Variants in BRD1 observed in about 807,000 individuals in gnomAD.
The protein encoded by BRD1 is bromodomain-containing protein 1.
BRD1 carries 24 observed loss-of-function variants against 107.7 expected under a neutral mutation model. That is an observed-to-expected ratio of 0.22 (90% confidence interval 0.16 to 0.31). The LOEUF is 0.31. Among genes scored for constraint, BRD1 ranks in the 10% least tolerant of loss-of-function variants. The pLI, the probability that BRD1 is intolerant of heterozygous loss-of-function variation, is 1.00. For missense variants in BRD1, 1,279 were observed against 1,638.6 expected (o/e 0.78, Z 3.79); for synonymous variants, 744 against 686.1 (o/e 1.08, Z -1.32).
chr22:49,775,590 C>T lies in BRD1; in HGVS notation c.3386+1G>A. On this transcript the variant is annotated splice_donor_variant, in intron 12 of 12. Transcript: ENST00000404760. LOFTEE classifies it high-confidence loss of function. Reference sequence around the variant, plus strand: ...CCGGAGTCTAAGGCCTCTCAACTCACCAACTTCTCTTATTATCAAAAAAGA... The same window carrying T: ...CCGGAGTCTAAGGCCTCTCAACTCATCAACTTCTCTTATTATCAAAAAAGA... 6.2e-7 allele frequency: 1 copy of T among 1,605,070 alleles called. No individual in the cohort carries two copies. Among genetic ancestry groups the T allele is most frequent in the Non-Finnish European group, 8.5e-7 (1 of 1,175,828 alleles).
chr22:49,796,412 A>G (rs112253646), intron 6 of BRD1, among the ~76,000 whole-genome samples: 147 of 151,106 alleles, frequency 9.7e-4, no homozygotes, highest in African/African-American at 3.4e-3. Context: ...GCTTCAGTGC[A>G]ATGGCACAAT....
Position 49,824,271 on chromosome 22 carries a change from G to A in BRD1, c.47C>T (p.Pro16Leu). ...GTGTTTAACACTGCATGGGGAAGAA[G>A]GATGCCTCGCTGCAGAGCCTCGATG... ...RCHRGSAARH[P>L]SSPCSVKHSP... Residue 16 changes from proline (P) to leucine (L), a missense_variant, in exon 2 of 13, where the codon CCT becomes CTT. Pro to Leu is a moderately conservative substitution (Grantham distance 98). Transcript: ENST00000404760. This position sits in a 1 kb window ranked among gnomAD's most constrained non-coding sequence, Gnocchi z 5.9. The A allele has an allele frequency of 1.2e-6, 2 of 1,613,990 alleles. No individual in the cohort carries two copies. The highest frequency in any genetic ancestry group is 8.5e-7 in the Non-Finnish European group (1 of 1,180,016).
chr22:49,818,264 G>A (rs1375083738), intron 2 of BRD1: 6 of 1,267,244 alleles, frequency 4.7e-6, no homozygotes, highest in Admixed American at 2.4e-5. Flanking sequence ...CCAGGCTCTC[G>A]TAGTAGAGGA....
At chr22:49,797,691 T>C (rs1348770805) in intron 6 of BRD1, 114 bp downstream of exon 6, 3 of 1,061,336 alleles carry the variant, frequency 2.8e-6, no homozygotes, top group African/African-American at 1.6e-5. Context: ...ATGTATGCGG[T>C]TGCATGCTAG....
At chr22:49,827,163 G>A (rs1051127558) in intron 1 of BRD1, among the ~76,000 whole-genome samples, 12 of 151,342 alleles carry the variant, frequency 7.9e-5, no homozygotes, top group African/African-American at 2.9e-4. Flanking sequence ...GCGGACTCCG[G>A]GCAGGCGCCC....
chr22:49,818,166 G>A (rs2059991024), intron 2 of BRD1: 19 of 1,014,594 alleles, frequency 1.9e-5, no homozygotes, highest in Non-Finnish European at 2.2e-5. Flanking sequence ...GGGTGAAGGC[G>A]GGAGGAAAAC....
intron 2 of BRD1, among the ~76,000 whole-genome samples, chr22:49,811,661 C>T (rs1284106120): frequency 6.6e-6 from 1 of 152,232 alleles, no homozygotes; most frequent in Non-Finnish European, 1.5e-5. Flanking sequence ...CTGCTTACTG[C>T]TGGAATTTCC....
intron 2 of BRD1, among the ~76,000 whole-genome samples, chr22:49,813,207 A>G (rs543858340): frequency 1.2e-4 from 19 of 152,282 alleles, no homozygotes; most frequent in African/African-American, 4.6e-4. Context: ...CCTAGGCAAC[A>G]CAGTGAGACG....
At chr22:49,807,832 C>T (rs941881438) in intron 2 of BRD1, among the ~76,000 whole-genome samples, 2 of 152,100 alleles carry the variant, frequency 1.3e-5, no homozygotes, top group Non-Finnish European at 1.5e-5. Flanking sequence ...TTTCAAATCA[C>T]GTATCTGAAA....
intron 2 of BRD1, chr22:49,805,516 A>AGT (rs2059724145): frequency 6.6e-6 from 1 of 152,390 alleles, no homozygotes; most frequent in African/African-American, 2.4e-5. Flanking sequence ...CTCCAAGGAC[A>AGT]GCCAACGGAA....
chr22:49,777,220 G>T, intron 9 of BRD1, 59 bp from the exon 10 acceptor site: 1 of 1,597,186 alleles, frequency 6.3e-7, no homozygotes, highest in Non-Finnish European at 8.5e-7. Context: ...GCCTCACTCG[G>T]GCTTCGTCCC....
chr22:49,798,628 C>A lies in BRD1; in HGVS notation c.1715G>T (p.Arg572Leu). The A allele has an allele frequency of 1.2e-6, 2 of 1,613,878 alleles. No individual in the cohort carries two copies. Among genetic ancestry groups the A allele is most frequent in the Non-Finnish European group, 1.7e-6 (2 of 1,179,918 alleles). ...LRLTPLTVLL[R>L]SVLDQLQDKD... is the part of the protein sequence containing the mutation. ...GTCTTGCAGCTGGTCCAGCACTGAGCGCAGCAGCACCGTCAGCGGGGTCAG... is the reference window on the plus strand; with the variant it reads ...GTCTTGCAGCTGGTCCAGCACTGAGAGCAGCAGCACCGTCAGCGGGGTCAG... The change falls in exon 5 of 13, where the codon CGC (arginine) becomes CTC (leucine). Residue 572 changes from arginine to leucine, a missense_variant. Around this residue, in one of 7 missense-constraint regions of BRD1, gnomAD observed 406 missense variants for 519.4 expected, o/e 0.78. Transcript: ENST00000404760.
At chr22:49,777,587 G>A in intron 9 of BRD1, 91 bp downstream of exon 9, 1 of 1,513,562 alleles carries the variant, frequency 6.6e-7, no homozygotes, top group Non-Finnish European at 8.9e-7. Context: ...CACTAAGATG[G>A]GAGCTGGAAT....
At chr22:49,821,324 T>C (rs1452363627) in intron 2 of BRD1, among the ~76,000 whole-genome samples, 1 of 152,226 alleles carries the variant, frequency 6.6e-6, no homozygotes, top group Non-Finnish European at 1.5e-5. Flanking sequence ...TCAGTAAAGC[T>C]GAAATTTTTA....
chr22:49,809,548 AATATAT>A (rs113075185), intron 2 of BRD1, among the ~76,000 whole-genome samples: 1 of 147,794 alleles, frequency 6.8e-6, no homozygotes, highest in East Asian at 1.9e-4. Context: ...CTCCAAAAAA[AATATAT>A]ATATATATAT....
At chr22:49,775,291 C>T (rs770524278) in intron 12 of BRD1, 15 of 211,570 alleles carry the variant, frequency 7.1e-5, no homozygotes, top group Non-Finnish European at 1.2e-4. Flanking sequence ...AACACTGGAG[C>T]GGACACATGG....
Position 49,823,972 on chromosome 22 carries a change from C to A in BRD1, c.346G>T (p.Ala116Ser). ...ATGCGCACCTTGGGCTCCGGGAGGG[C>A]ACTGGCCGAGGCCGGCGTGCCGTGG... is the stretch of plus-strand genomic sequence containing the variant. ...SAHGTPASAS[A>S]LPEPKVRIVE... Residue 116 changes from alanine to serine, a missense_variant, in exon 2 of 13, where the codon GCC becomes TCC. Around this residue, in one of 7 missense-constraint regions of BRD1, gnomAD observed 223 missense variants for 263.5 expected, o/e 0.85. Coordinates refer to ENST00000404760, the MANE Select transcript of BRD1 (RefSeq NM_001304808.3). The A allele has an allele frequency of 6.2e-7, 1 of 1,614,038 alleles. No individual in the cohort carries two copies. Among genetic ancestry groups the A allele is most frequent in the Non-Finnish European group, 8.5e-7 (1 of 1,180,030 alleles).
At chr22:49,776,517 TG>T (rs1456023578) in intron 10 of BRD1, among the ~76,000 whole-genome samples, 1 of 152,156 alleles carries the variant, frequency 6.6e-6, no homozygotes, top group African/African-American at 2.4e-5. Context: ...ACACCCCAAA[TG>T]GGAAACCAAA....
rs1569105928 is a variant in BRD1 at position 49,794,090 on chromosome 22, C to CAGGGG, written c.2302_2303insCCCCT (p.Gly768AlafsTer53). Reference sequence around the variant, plus strand: ...TCCGTCCTCTTCGAAGCCTTCCAAGCCTGGCCCCGTGGGCAGGGGCTGGCT... The same window carrying CAGGGG: ...TCCGTCCTCTTCGAAGCCTTCCAAGCAGGGGCTGGCCCCGTGGGCAGGGGCTGGCT... On this transcript the variant is annotated frameshift_variant, in exon 7 of 13. Transcript: ENST00000404760. LOFTEE classifies it high-confidence loss of function. The CAGGGG allele has an allele frequency of 6.2e-7, 1 of 1,614,222 alleles. No homozygotes were observed. Among genetic ancestry groups the CAGGGG allele is most frequent in the South Asian group, 1.1e-5 (1 of 91,090 alleles).
Sources: gnomAD v4.1 joint callset for allele counts (sites outside exome capture counted in the v4.1 genomes callset) on GRCh38, gnomAD v4.1.1 for gene constraint, gnomAD v4.1.1 regional missense constraint, Gnocchi (gnomAD v3.1) non-coding constraint, MANE v1.5 for transcripts, NCBI Gene and HGNC (gene_info 2026-07-23, HGNC 2026-07-21) for gene names.